Variants in STARD8 observed in about 807,000 individuals in gnomAD.
The protein encoded by STARD8 is stAR-related lipid transfer protein 8.
Under a neutral mutation model 69.4 loss-of-function variants are expected in STARD8, and 25 were observed. The ratio of observed to expected loss-of-function variants is 0.36; its 90% confidence interval spans 0.26 to 0.50. STARD8 has a LOEUF of 0.50. Among genes scored for constraint, STARD8 ranks in the 20% least tolerant of loss-of-function variants. The probability of loss-of-function intolerance (pLI) is 0.96; values close to 1 mark genes in which losing one functional copy is unlikely to be tolerated. For synonymous variants in STARD8, 389 were observed against 374.6 expected (o/e 1.04, Z -0.45); for missense variants, 921 against 932.5 (o/e 0.99, Z 0.16).
rs146065750 is a variant in STARD8, at chrX:68,717,522, G to T, written c.608G>T (p.Arg203Leu). ...GGTCCCCAGGACAAAGCCAAGAAGC[G>T]CCATCGTAACCGTAGCTTCCTCAAG... The part of the protein sequence containing the change: ...QEGPQDKAKK[R>L]HRNRSFLKHL... Residue 203 changes from arginine (R) to leucine (L), a missense_variant, in exon 6 of 15, where the codon CGC (arginine) becomes CTC (leucine). Transcript: ENST00000374599. 2 of 1,210,757 alleles carry T rather than the reference G, an allele frequency of 1.7e-6. No individual in the cohort carries two copies. The highest frequency in any genetic ancestry group is 3.5e-5 in the African/African-American group (2 of 57,759).
In STARD8 at chrX:68,719,256, C is replaced by T. The variant is rs753138268; in HGVS notation, c.1747C>T (p.His583Tyr). The T allele has an allele frequency of 1.9e-5, 23 of 1,196,555 alleles. No individual in the cohort carries two copies. The East Asian group carries it at 6.9e-4, about 36-fold the overall frequency. ...CCGTTGGCATAGCTTCCAGAACTCCCATCGTCCCAGCCTCAACTCAGAGTC... is the reference window on the plus strand; with the variant it reads ...CCGTTGGCATAGCTTCCAGAACTCCTATCGTCCCAGCCTCAACTCAGAGTC... Reference protein sequence around the residue: ...KLRWHSFQNSHRPSLNSESLE... With the variant: ...KLRWHSFQNSYRPSLNSESLE... Residue 583 changes from histidine (H) to tyrosine (Y), a missense_variant, in exon 7 of 15, where the codon CAT becomes TAT. Physicochemically the swap from His to Tyr is moderately conservative, Grantham distance 83 (BLOSUM62 2). Coordinates refer to ENST00000374599, the MANE Select transcript of STARD8 (RefSeq NM_001142503.3).
At chrX:68,714,633 G>A (rs2080077396) in intron 3 of STARD8, among the ~76,000 whole-genome samples, 2 of 112,419 alleles carry the variant, frequency 1.8e-5, no homozygotes, top group South Asian at 3.7e-4. Context: ...GGCAGGAACC[G>A]TTTTTGTTGT....
chrX:68,674,293 C>CAA (rs60245351), intron 2 of STARD8, among the ~76,000 whole-genome samples: 91 of 35,582 alleles, frequency 2.6e-3, no homozygotes, highest in African/African-American at 5.5e-3. Flanking sequence ...AACTCCGTCT[C>CAA]AAAAAAAAAA....
At chrX:68,669,743 A>T (rs756833947) in intron 2 of STARD8, among the ~76,000 whole-genome samples, 67 of 111,757 alleles carry the variant, frequency 6.0e-4, no homozygotes, top group Non-Finnish European at 1.1e-3. Context: ...GCTGCCCCAG[A>T]CCCCTCCCCC....
At chrX:68,677,598 C>G (rs929043271) in intron 2 of STARD8, among the ~76,000 whole-genome samples, 2 of 111,548 alleles carry the variant, frequency 1.8e-5, no homozygotes, top group African/African-American at 6.5e-5. Context: ...TCTGGGTACA[C>G]AGCTACTTGA....
At position 68,665,529 on chromosome X, in the gene STARD8, G is replaced by A. The variant is rs865902374; in HGVS notation, c.76G>A (p.Ala26Thr). ...CCCATTGCTGCAGGTGAAGAAGAAC[G>A]CTGGTAAGTACACGAGGTGGGCATT... is the stretch of plus-strand genomic sequence containing the variant. ...CFPLLQVKKN[A>T]EAEAKRACEW... Residue 26 changes from alanine to threonine, a missense_variant, in exon 2 of 15, where the codon GCT (alanine) becomes ACT (threonine). Ala to Thr is a moderately conservative substitution (Grantham distance 58). Transcript: ENST00000374599. 18 of 1,206,837 alleles carry A rather than the reference G, an allele frequency of 1.5e-5. No homozygotes were observed. The highest frequency in any genetic ancestry group is 8.7e-5 in the African/African-American group (5 of 57,225).
At chrX:68,653,470 ACC>A (rs1255229141) in intron 1 of STARD8, among the ~76,000 whole-genome samples, 24 of 24,201 alleles carry the variant, frequency 9.9e-4, no homozygotes, top group African/African-American at 3.6e-3. Context: ...CACACCCCAC[ACC>A]CCACACACAC....
intron 2 of STARD8, among the ~76,000 whole-genome samples, chrX:68,678,426 G>C (rs1270259776): frequency 3.6e-5 from 4 of 111,996 alleles, no homozygotes; most frequent in Non-Finnish European, 7.5e-5. Context: ...GATAGGGTCA[G>C]TGAGTGCTTA....
intron 1 of STARD8, among the ~76,000 whole-genome samples, chrX:68,663,060 G>A (rs1044870161): frequency 1.8e-5 from 2 of 112,036 alleles, no homozygotes; most frequent in African/African-American, 6.5e-5. Context: ...CTTCTAGAGT[G>A]GCTGTCTTTA....
chrX:68,661,604 C>T (rs746497918), intron 1 of STARD8, among the ~76,000 whole-genome samples: 1 of 111,460 alleles, frequency 9.0e-6, no homozygotes, highest in East Asian at 2.8e-4. Context: ...AAATTCATTA[C>T]AACAGGAAGA....
intron 2 of STARD8, among the ~76,000 whole-genome samples, chrX:68,676,341 C>T (rs1183964668): frequency 8.9e-6 from 1 of 112,018 alleles, no homozygotes; most frequent in Non-Finnish European, 1.9e-5. Context: ...CAGGTGTTTC[C>T]CAAGCCCTGG....
intron 2 of STARD8, among the ~76,000 whole-genome samples, chrX:68,689,914 C>A (rs574691697): frequency 9.0e-6 from 1 of 110,723 alleles, no homozygotes; most frequent in Middle Eastern, 4.7e-3. Context: ...CCACTGTATT[C>A]CCTCTGTCCA....
At chrX:68,669,780 T>G (rs749889669) in intron 2 of STARD8, among the ~76,000 whole-genome samples, 9 of 112,206 alleles carry the variant, frequency 8.0e-5, no homozygotes, top group African/African-American at 3.2e-5. Context: ...GGGAGACAGA[T>G]TTGAACAGTA....
In STARD8 at chrX:68,665,475, ACTT is replaced by A. The variant is rs200899225; in HGVS notation, c.46-18_46-16del. 2.3e-3 allele frequency: 2,720 copies of A among 1,202,512 alleles called. 35 individuals are homozygous for A. In the African/African-American group the frequency reaches 0.042, roughly 19 times the overall value. ...GATATTGCATCTCTGCAATGCCTTG[ACTT>A]CTTCTCTGTTTCTTTTGCAGTGCTT... is the stretch of plus-strand genomic sequence containing the variant. On this transcript the variant is annotated intron_variant, in intron 1 of 14. Transcript: ENST00000374599.
At chrX:68,687,542 G>A (rs2079842218) in intron 2 of STARD8, among the ~76,000 whole-genome samples, 1 of 111,451 alleles carries the variant, frequency 9.0e-6, no homozygotes, top group South Asian at 3.8e-4. Context: ...ACTGGGTTGG[G>A]TTTCTCACCA....
chrX:68,671,411 C>G (rs1175535014), intron 2 of STARD8, among the ~76,000 whole-genome samples: 2 of 112,634 alleles, frequency 1.8e-5, no homozygotes, highest in Non-Finnish European at 1.9e-5. Flanking sequence ...TTTCCTGTCT[C>G]TCCCATAGAC....
Position 68,724,559 on chromosome X carries a change from C to A in STARD8, c.*137C>A. ...GCCCAGGTGGCTCCAGCTGCCTGTC[C>A]TGTCCCCTTTCCTAAAGCTCCTCTG... On this transcript the variant is annotated 3_prime_UTR_variant, in exon 15 of 15. Coordinates refer to ENST00000374599, the MANE Select transcript of STARD8 (RefSeq NM_001142503.3). 1 of 477,472 alleles carries A rather than the reference C, an allele frequency of 2.1e-6. No individual in the cohort carries two copies. The allele number at this position is 477,472 out of a possible 1,213,427, so 39.3% of individuals were successfully genotyped here.
In STARD8 at chrX:68,668,274, C is replaced by CTCTT. The variant is rs72167486; in HGVS notation, c.79+2767_79+2770dup. On this transcript the variant is annotated intron_variant, in intron 2 of 14. Coordinates refer to ENST00000374599, the MANE Select transcript of STARD8 (RefSeq NM_001142503.3). Reference sequence around the variant, plus strand: ...TCTTTCTTTCTTTCTTTCTTTCTTTCTCTTTCTTTCTTTCTTTCTTTCTTT... The same window carrying CTCTT: ...TCTTTCTTTCTTTCTTTCTTTCTTTCTCTTTCTTTCTTTCTTTCTTTCTTTCTTT... Among the ~76,000 whole-genome samples, 124 of 66,743 alleles carry CTCTT rather than the reference C, an allele frequency of 1.9e-3. 1 individual carries two copies. Among genetic ancestry groups the CTCTT allele is most frequent in the East Asian group, 9.9e-3 (24 of 2,426 alleles). 58.0% of individuals were successfully genotyped at this position (66,743 alleles called of 115,157 possible).
intron 5 of STARD8, 69 bp from the exon 6 acceptor site, chrX:68,717,143 G>A: frequency 1.8e-6 from 2 of 1,096,581 alleles, no homozygotes; most frequent in Non-Finnish European, 2.4e-6. Context: ...TTTGGAAGCA[G>A]AGAGTGGAGT....
Sources: gnomAD v4.1 joint callset for allele counts (sites outside exome capture counted in the v4.1 genomes callset) on GRCh38, gnomAD v4.1.1 for gene constraint, MANE v1.5 for transcripts, NCBI Gene and HGNC (gene_info 2026-07-23, HGNC 2026-07-21) for gene names.